The following CENPU variants were observed in gnomAD, a reference collection of about 807,000 sequenced individuals.
The protein encoded by CENPU is KSHV latent nuclear antigen interacting protein 1.
A neutral mutation model predicts 56.7 loss-of-function variants in CENPU; 46 were observed. The observed-to-expected ratio is 0.81, with a 90% CI of 0.64 to 1.04. The LOEUF (loss-of-function observed/expected upper bound fraction) is 1.04, where lower values mean the gene tolerates loss of function less well. Ranked by LOEUF, CENPU falls within the 50% of genes least tolerant of loss-of-function variation. The probability of loss-of-function intolerance (pLI) is 0.00; values close to 1 mark genes in which losing one functional copy is unlikely to be tolerated. For missense variants in CENPU, 510 were observed against 490.1 expected (o/e 1.04, Z -0.38); for synonymous variants, 166 against 163.0 (o/e 1.02, Z -0.14).
chr4:184,725,358 T>C (rs779222768), intron 3 of CENPU, among the ~76,000 whole-genome samples: 3 of 152,182 alleles, frequency 2.0e-5, no homozygotes, highest in Non-Finnish European at 2.9e-5. Flanking sequence ...CAGCCTGGAG[T>C]GCAGTAGTGC....
At chr4:184,712,006 A>G (rs1262933869) in intron 7 of CENPU, among the ~76,000 whole-genome samples, 2 of 151,656 alleles carry the variant, frequency 1.3e-5, no homozygotes, top group African/African-American at 4.9e-5. Context: ...CTATAGTCTC[A>G]GCTACTCAGG....
At chr4:184,702,248 T>C in intron 9 of CENPU, 112 bp from the exon 10 acceptor site, 1 of 1,233,546 alleles carries the variant, frequency 8.1e-7, no homozygotes, top group Non-Finnish European at 1.2e-6. Flanking sequence ...TGAATAGTTC[T>C]AATGAGTTTA....
In CENPU at chr4:184,729,180, T is replaced by C. The variant is rs189167163; in HGVS notation, c.97-145A>G. 104 of 626,902 alleles carry C rather than the reference T, an allele frequency of 1.7e-4. No individual in the cohort carries two copies. In the East Asian group the frequency reaches 2.5e-3, roughly 15 times the overall value. 38.8% of individuals were successfully genotyped at this position (626,902 alleles called of 1,614,324 possible). A position where few individuals can be genotyped will look rare whatever the true frequency, so the allele number is the denominator to read the frequency against. On this transcript the variant is annotated intron_variant, in intron 2 of 12. Transcript: ENST00000281453. ...GTGATGGATTCACTACCTACCCTGATTGGGTCATTATACAACATAGACATG... is the reference window on the plus strand; with the variant it reads ...GTGATGGATTCACTACCTACCCTGACTGGGTCATTATACAACATAGACATG...
At chr4:184,712,147 C>A (rs1388242471) in intron 7 of CENPU, among the ~76,000 whole-genome samples, 1 of 146,854 alleles carries the variant, frequency 6.8e-6, no homozygotes, top group Non-Finnish European at 1.5e-5. Context: ...AAGTTCACAG[C>A]AGCTTTATTC....
intron 12 of CENPU, among the ~76,000 whole-genome samples, chr4:184,695,872 A>C (rs1157356529): frequency 6.6e-6 from 1 of 152,252 alleles, no homozygotes; most frequent in Non-Finnish European, 1.5e-5. Flanking sequence ...AAGAAAACCC[A>C]AATCTATCAT....
Position 184,702,121 on chromosome 4 carries a change from T to G in CENPU, c.892A>C (p.Met298Leu). Reference protein sequence around the residue: ...QFIKMLKESQMLTNLKRKNAK... With the variant: ...QFIKMLKESQLLTNLKRKNAK... ...TTCTTCCTTTTCAGATTTGTCAACA[T>G]CTGGCTTTCTTTAAGCTACACAAAA... Residue 298 changes from methionine (M) to leucine (L), a missense_variant, in exon 10 of 13, where the codon ATG becomes CTG. Physicochemically the swap from Met to Leu is conservative, Grantham distance 15. Coordinates refer to ENST00000281453, the MANE Select transcript of CENPU (RefSeq NM_024629.4). The G allele has an allele frequency of 6.2e-7, 1 of 1,608,548 alleles. No individual in the cohort carries two copies. The highest frequency in any genetic ancestry group is 8.5e-7 in the Non-Finnish European group (1 of 1,175,800).
At chr4:184,726,191 G>A (rs28672716) in intron 3 of CENPU, among the ~76,000 whole-genome samples, 27,125 of 152,046 alleles carry the variant, frequency 0.18, 2,721 homozygotes, top group African/African-American at 0.26. Context: ...GAATAACAAG[G>A]GGGGAAAAAA....
intron 3 of CENPU, 144 bp downstream of exon 3, chr4:184,728,774 A>C: frequency 1.6e-6 from 1 of 636,188 alleles, no homozygotes; most frequent in South Asian, 2.1e-5. Flanking sequence ...AATTAATTCA[A>C]ATTATCAAGT....
At chr4:184,710,699 G>A (rs772513250) in intron 7 of CENPU, among the ~76,000 whole-genome samples, 2 of 152,044 alleles carry the variant, frequency 1.3e-5, no homozygotes, top group Non-Finnish European at 2.9e-5. Context: ...TAACCTTCCA[G>A]AGGCTGTTTC....
chr4:184,729,025 T>G lies in CENPU; in HGVS notation c.107A>C (p.Gln36Pro), dbSNP rs1163584324. Residue 36 changes from glutamine (Q) to proline (P), a missense_variant, in exon 3 of 13, where the codon CAA becomes CCA. By Grantham distance (76) the Gln-to-Pro change is moderately conservative. Coordinates refer to ENST00000281453, the MANE Select transcript of CENPU (RefSeq NM_024629.4). ...RTHSMKDKAG[Q>P]KCKPIDVFDF... ...GAACACGTCAATAGGCTTGCACTTT[T>G]GACCAGCTTTCTAAAAGTGAATAAA... The G allele has an allele frequency of 2.5e-6, 4 of 1,612,788 alleles. No individual in the cohort carries two copies. The highest frequency in any genetic ancestry group is 3.4e-6 in the Non-Finnish European group (4 of 1,179,332).
Position 184,694,659 on chromosome 4 carries a change from T to C in CENPU, c.*629A>G. The C allele has an allele frequency of 6.2e-7, 1 of 1,614,152 alleles. No homozygotes were observed. The highest frequency in any genetic ancestry group is 8.5e-7 in the Non-Finnish European group (1 of 1,179,998). ...GGGATAATGGCATTGATGATGCTTA[T>C]TTTTTAGAAGCTACTGAAGATGCTG... On this transcript the variant is annotated 3_prime_UTR_variant, in exon 13 of 13. Coordinates refer to ENST00000281453, the MANE Select transcript of CENPU (RefSeq NM_024629.4).
In CENPU at chr4:184,697,658, C is replaced by T. The variant is rs200975207; in HGVS notation, c.1132G>A (p.Val378Ile). ...AAAATTGGAGTTACCGTTTCCTTTACGTTTGGTTCTTGAGCTTGAACATCT... is the reference window on the plus strand; with the variant it reads ...AAAATTGGAGTTACCGTTTCCTTTATGTTTGGTTCTTGAGCTTGAACATCT... ...YSDVQAQEPN[V>I]KETYDSSSLP... is the part of the protein sequence containing the mutation. Residue 378 changes from valine to isoleucine, a missense_variant, in exon 12 of 13, where the codon GTA (valine) becomes ATA (isoleucine). Val to Ile is a conservative substitution (Grantham distance 29). Transcript: ENST00000281453. 2.2e-5 allele frequency: 36 copies of T among 1,612,300 alleles called. No homozygotes were observed. In the African/African-American group the frequency reaches 3.3e-4, roughly 15 times the overall value.
intron 10 of CENPU, among the ~76,000 whole-genome samples, chr4:184,701,348 T>G (rs753976868): frequency 3.3e-5 from 5 of 152,172 alleles, no homozygotes; most frequent in Non-Finnish European, 7.4e-5. Context: ...CACTCCGTAA[T>G]AAGCAATGCA....
rs1168690682 is a variant in CENPU at position 184,716,546 on chromosome 4, T to C, written c.469A>G (p.Ile157Val). The C allele has an allele frequency of 6.2e-7, 1 of 1,614,196 alleles. No individual in the cohort carries two copies. The highest frequency in any genetic ancestry group is 2.2e-5 in the East Asian group (1 of 44,884). The change falls in exon 6 of 13, where the codon ATA (isoleucine) becomes GTA (valine). Residue 157 changes from isoleucine to valine, a missense_variant. Physicochemically the swap from Ile to Val is conservative, Grantham distance 29 (BLOSUM62 3). Coordinates refer to ENST00000281453, the MANE Select transcript of CENPU (RefSeq NM_024629.4). ...ATAACCTCATGACGTTGTGTACTTA[T>C]TTTCTCTGCTGATTTAACTTTTCTC... ...TRRKVKSAEK[I>V]STQRHEVIRT...
chr4:184,716,697 A>G lies in CENPU; in HGVS notation c.382-64T>C, dbSNP rs947555834. On this transcript the variant is annotated intron_variant, in intron 5 of 12. Transcript: ENST00000281453. ...TAGAAATGCTTATAATTCTTACTGT[A>G]ATAGTAGAAAACCATATATATAGTC... 3 of 1,240,010 alleles carry G rather than the reference A, an allele frequency of 2.4e-6. No homozygotes were observed. In the Admixed American group the frequency reaches 5.7e-5, roughly 23 times the overall value. 76.8% of individuals were successfully genotyped at this position (1,240,010 alleles called of 1,614,324 possible).
intron 10 of CENPU, 78 bp from the exon 11 acceptor site, chr4:184,700,959 G>A: frequency 8.4e-7 from 1 of 1,196,074 alleles, no homozygotes; most frequent in Non-Finnish European, 1.2e-6. Flanking sequence ...AGGTAATGAA[G>A]TGCAGTGGAA....
chr4:184,733,359 G>C (rs142406104), intron 1 of CENPU: 35,585 of 987,782 alleles, frequency 0.036, 750 homozygotes, highest in Non-Finnish European at 0.039. Flanking sequence ...GATCGTCTTG[G>C]CGTATGGCTT....
At chr4:184,718,951 A>G (rs980490726) in intron 4 of CENPU, among the ~76,000 whole-genome samples, 3 of 152,192 alleles carry the variant, frequency 2.0e-5, no homozygotes, top group African/African-American at 7.2e-5. Flanking sequence ...GCTGGACAAG[A>G]AACTTGAGAA....
chr4:184,705,601 T>A (rs1251628642), intron 8 of CENPU, among the ~76,000 whole-genome samples: 1 of 152,212 alleles, frequency 6.6e-6, no homozygotes, highest in Non-Finnish European at 1.5e-5. Context: ...TTGTAACTTG[T>A]TATTACACAT....
Sources: gnomAD v4.1 joint callset for allele counts (sites outside exome capture counted in the v4.1 genomes callset) on GRCh38, gnomAD v4.1.1 for gene constraint, MANE v1.5 for transcripts, NCBI Gene and HGNC (gene_info 2026-07-23, HGNC 2026-07-21) for gene names.